PTPRT: variants seen among roughly 807,000 people sequenced by gnomAD.
PTPRT encodes the protein protein tyrosine phosphatase receptor type T, also known as receptor-type tyrosine-protein phosphatase T.
A neutral mutation model predicts 176.8 loss-of-function variants in PTPRT; 56 were observed. The observed-to-expected ratio is 0.32, with a 90% confidence interval of 0.26 to 0.40. The LOEUF (loss-of-function observed/expected upper bound fraction) is 0.40, where lower values mean the gene tolerates loss of function less well. PTPRT is among the 10% of genes least tolerant of loss of function. PTPRT has a pLI of 1.00. For synonymous variants in PTPRT, 783 were observed against 739.0 expected (o/e 1.06, Z -0.96); for missense variants, 1,540 against 1,908.2 (o/e 0.81, Z 3.60).
chr20:42,648,858 G>A (rs1480381175), intron 7 of PTPRT, among the ~76,000 whole-genome samples: 4 of 125,142 alleles, frequency 3.2e-5, no homozygotes, highest in Non-Finnish European at 4.6e-5. Flanking sequence ...TGGCTCTGTC[G>A]CCCAGGCTGG....
At chr20:42,081,330 C>T (rs1983308479) in intron 30 of PTPRT, among the ~76,000 whole-genome samples, 2 of 152,148 alleles carry the variant, frequency 1.3e-5, no homozygotes, top group Admixed American at 1.3e-4. Context: ...GTCTGTGACC[C>T]ACACGTTAAT....
chr20:42,342,693 A>G (rs778773402), intron 11 of PTPRT, among the ~76,000 whole-genome samples: 1 of 152,200 alleles, frequency 6.6e-6, no homozygotes, highest in Non-Finnish European at 1.5e-5. Context: ...TCAGACGGTA[A>G]TGATTCCAAT....
At chr20:43,018,130 C>T (rs1985462141) in intron 1 of PTPRT, among the ~76,000 whole-genome samples, 1 of 152,182 alleles carries the variant, frequency 6.6e-6, no homozygotes, top group South Asian at 2.1e-4. Flanking sequence ...CAGCTTGATT[C>T]AAACTTAGAA....
chr20:42,612,228 TC>T (rs1270063469), intron 7 of PTPRT, among the ~76,000 whole-genome samples: 2 of 152,312 alleles, frequency 1.3e-5, no homozygotes, highest in East Asian at 3.9e-4. Flanking sequence ...ATGACAAAAC[TC>T]CCAATTTGTC....
In PTPRT at chr20:43,058,894, C is replaced by A. The variant is rs375581970; in HGVS notation, c.88+130752G>T. Among the ~76,000 whole-genome samples, 6 of 152,186 alleles carry A rather than the reference C, an allele frequency of 3.9e-5. No homozygotes were observed. The East Asian group carries it at 1.2e-3, about 29-fold the overall frequency. Reference sequence around the variant, plus strand: ...TCTGCTATCTTCTTTGCAGCCACTGCGGCCCAAGCTGCACTGGGGCCCACT... The same window carrying A: ...TCTGCTATCTTCTTTGCAGCCACTGAGGCCCAAGCTGCACTGGGGCCCACT... On this transcript the variant is annotated intron_variant, in intron 1 of 30. Coordinates refer to ENST00000373187, the MANE Select transcript of PTPRT (RefSeq NM_007050.6).
intron 1 of PTPRT, among the ~76,000 whole-genome samples, chr20:42,968,378 G>C (rs1982422453): frequency 6.6e-6 from 1 of 152,154 alleles, no homozygotes; most frequent in African/African-American, 2.4e-5. Flanking sequence ...TCTTAGCCAG[G>C]CAAACAACAG....
chr20:43,185,073 C>T (rs2015357385), intron 1 of PTPRT, among the ~76,000 whole-genome samples: 1 of 152,154 alleles, frequency 6.6e-6, no homozygotes, highest in Admixed American at 6.6e-5. Context: ...TGGCTTTCTT[C>T]CTCTCCATAC....
intron 1 of PTPRT, among the ~76,000 whole-genome samples, chr20:43,167,535 A>G (rs768094211): frequency 6.6e-6 from 1 of 152,170 alleles, no homozygotes; most frequent in Non-Finnish European, 1.5e-5. Context: ...TCCTTATATA[A>G]TCCCTTCCCC....
At chr20:42,580,939 A>G (rs1261257403) in intron 7 of PTPRT, among the ~76,000 whole-genome samples, 1 of 151,734 alleles carries the variant, frequency 6.6e-6, no homozygotes, top group African/African-American at 2.4e-5. Flanking sequence ...TTCCAACACT[A>G]TGTTGAATAG....
chr20:42,301,800 C>G lies in PTPRT; in HGVS notation c.2139+13923G>C, dbSNP rs74871121. ...TTGAAACATCTCTGTGCATTTGAAACTACCTTGAAAAAAAGGAGTTAGACA... is the reference window on the plus strand; with the variant it reads ...TTGAAACATCTCTGTGCATTTGAAAGTACCTTGAAAAAAAGGAGTTAGACA... On this transcript the variant is annotated intron_variant, in intron 12 of 30. Coordinates refer to ENST00000373187, the MANE Select transcript of PTPRT (RefSeq NM_007050.6). 1.7e-4 allele frequency among the ~76,000 whole-genome samples: 26 copies of G among 151,916 alleles called. No individual in the cohort carries two copies. The East Asian group carries it at 5.0e-3, about 29-fold the overall frequency.
chr20:42,548,147 TATTAA>T (rs1411574892), intron 7 of PTPRT, among the ~76,000 whole-genome samples: 3 of 152,070 alleles, frequency 2.0e-5, no homozygotes, highest in East Asian at 1.9e-4. Flanking sequence ...GCTATATTAT[TATTAA>T]ATTAATTTAC....
intron 15 of PTPRT, among the ~76,000 whole-genome samples, chr20:42,224,478 C>T (rs2055959086): frequency 6.6e-6 from 1 of 152,200 alleles, no homozygotes; most frequent in African/African-American, 2.4e-5. Context: ...CATCATCATA[C>T]TCAAACTCAT....
chr20:42,993,938 C>G (rs751021229), intron 1 of PTPRT, among the ~76,000 whole-genome samples: 7 of 152,156 alleles, frequency 4.6e-5, no homozygotes, highest in Non-Finnish European at 8.8e-5. Flanking sequence ...TGTCTGGACA[C>G]AAGCCCAAAA....
intron 18 of PTPRT, among the ~76,000 whole-genome samples, chr20:42,139,846 A>G (rs1988541983): frequency 6.6e-6 from 1 of 152,264 alleles, no homozygotes; most frequent in East Asian, 1.9e-4. Context: ...CCCCAGGAGC[A>G]GGAGCTCCAC....
chr20:42,597,642 C>A (rs888656532), intron 7 of PTPRT, among the ~76,000 whole-genome samples: 2 of 152,134 alleles, frequency 1.3e-5, no homozygotes, highest in African/African-American at 2.4e-5. Flanking sequence ...CCCTTAATTC[C>A]GCCATAATTT....
At chr20:42,042,356 T>C in the PTPRT span, among the ~76,000 whole-genome samples, 224 of 152,340 alleles carry the variant, frequency 1.5e-3, 2 homozygotes, top group African/African-American at 5.2e-3. Flanking sequence ...ACCTAATAAA[T>C]TAAACACTTC....
rs2057415987 is a variant in PTPRT at position 42,298,210 on chromosome 20, CAAAAATTACAT to C, written c.2140-15696_2140-15686del. ...GAGCAAAAGACATAAACAGGTAATT[CAAAAATTACAT>C]AAAAATGGCTATTAAGTATAGGAGA... On this transcript the variant is annotated intron_variant, in intron 12 of 30. Transcript: ENST00000373187. Among the ~76,000 whole-genome samples the C allele has an allele frequency of 1.3e-5, 2 of 151,826 alleles. 1 individual carries two copies. Among genetic ancestry groups the C allele is most frequent in the South Asian group, 4.2e-4 (2 of 4,814 alleles).
chr20:42,407,762 A>G (rs1053460172), intron 9 of PTPRT, among the ~76,000 whole-genome samples: 12 of 152,190 alleles, frequency 7.9e-5, no homozygotes, highest in Non-Finnish European at 1.6e-4. Flanking sequence ...AAACTTAAAA[A>G]ACTTGAGTGA....
chr20:42,623,124 C>T (rs1219188706), intron 7 of PTPRT, among the ~76,000 whole-genome samples: 1 of 152,208 alleles, frequency 6.6e-6, no homozygotes, highest in African/African-American at 2.4e-5. Context: ...TCAAAAAGAC[C>T]CCCACATTCA....
Sources: gnomAD v4.1 joint callset for allele counts (sites outside exome capture counted in the v4.1 genomes callset) on GRCh38, gnomAD v4.1.1 for gene constraint, MANE v1.5 for transcripts, NCBI Gene and HGNC (gene_info 2026-07-23, HGNC 2026-07-21) for gene names.